KIF13A: variants seen among roughly 807,000 people sequenced by gnomAD.
KIF13A encodes the protein kinesin-like protein KIF13A.
A neutral mutation model predicts 212.2 loss-of-function variants in KIF13A; 79 were observed. The ratio of observed to expected loss-of-function variants is 0.37; its 90% CI spans 0.31 to 0.45. The LOEUF (loss-of-function observed/expected upper bound fraction) is 0.45. KIF13A is among the 20% of genes least tolerant of loss of function. The pLI, the probability that KIF13A is intolerant of heterozygous loss-of-function variation, is 1.00. For synonymous variants in KIF13A, 789 were observed against 808.6 expected, an observed-to-expected ratio of 0.98 and a Z score of 0.41; for missense variants, 1,901 against 2,209.0, an observed-to-expected ratio of 0.86 and a Z score of 2.79.
chr6:17,883,579 G>A lies in KIF13A; in HGVS notation c.160-10142C>T, dbSNP rs997267172. Among the ~76,000 whole-genome samples the A allele has an allele frequency of 4.9e-4, 74 of 152,246 alleles. 1 individual carries two copies. The highest frequency in any genetic ancestry group is 1.3e-4 in the Non-Finnish European group (9 of 68,024). On this transcript the variant is annotated intron_variant, in intron 3 of 38. Transcript: ENST00000259711. The surrounding 1 kb of genome is among the most constrained non-coding windows in gnomAD (Gnocchi z 4.8). The stretch of plus-strand genomic sequence containing the variant: ...AGTAACAGACTGGTGTCACCCTACA[G>A]GCATTATTTTTGTGTTTACTGGATT...
chr6:17,898,077 G>A lies in KIF13A; in HGVS notation c.159+91C>T. 2 of 1,196,616 alleles carry A rather than the reference G, an allele frequency of 1.7e-6. No homozygotes were observed. The highest frequency in any genetic ancestry group is 2.4e-6 in the Non-Finnish European group (2 of 826,954). 74.1% of individuals were successfully genotyped at this position (1,196,616 alleles called of 1,614,324 possible). On this transcript the variant is annotated intron_variant, in intron 3 of 38. Coordinates refer to ENST00000259711, the MANE Select transcript of KIF13A (RefSeq NM_022113.6). The surrounding 1 kb of genome is among the most constrained non-coding windows in gnomAD (Gnocchi z 5.2). ...TAGGATGCTGTTTTCAGTTCTCAAT[G>A]AGACAGATGTTCTACATGGGTTACA...
At chr6:17,976,612 G>A (rs533135468) in intron 2 of KIF13A, among the ~76,000 whole-genome samples, 226 of 152,248 alleles carry the variant, frequency 1.5e-3, no homozygotes, top group Non-Finnish European at 2.3e-3. Flanking sequence ...CTCTGGCCTC[G>A]GCTAGCCCAG....
chr6:17,910,827 AT>A (rs1335041169), intron 2 of KIF13A, among the ~76,000 whole-genome samples: 1 of 152,182 alleles, frequency 6.6e-6, no homozygotes, highest in Non-Finnish European at 1.5e-5. Context: ...CAGTGGTGTG[AT>A]CTCAGCTCAC....
In KIF13A at chr6:17,777,385, T is replaced by C; in HGVS notation, c.4093-31A>G. 1 of 1,450,270 alleles carries C rather than the reference T, an allele frequency of 6.9e-7. No homozygotes were observed. The highest frequency in any genetic ancestry group is 2.5e-5 in the East Asian group (1 of 39,570). The allele number at this position is 1,450,270 out of a possible 1,614,324, so 89.8% of individuals were successfully genotyped here. A position where few individuals can be genotyped will look rare whatever the true frequency, so the allele number is the denominator to read the frequency against. On this transcript the variant is annotated intron_variant, in intron 33 of 38. Transcript: ENST00000259711. The surrounding 1 kb of genome is among the most constrained non-coding windows in gnomAD (Gnocchi z 4.4). ...AACATAATAATTTGAAAATAACACTTTTTTTTTTTTTCCCCAGAGACAGAG... is the reference window on the plus strand; with the variant it reads ...AACATAATAATTTGAAAATAACACTCTTTTTTTTTTTCCCCAGAGACAGAG...
intron 2 of KIF13A, among the ~76,000 whole-genome samples, chr6:17,977,052 A>C (rs986097488): frequency 2.7e-5 from 4 of 150,298 alleles, no homozygotes; most frequent in Admixed American, 1.3e-4. Flanking sequence ...CAGTGAGCCG[A>C]GACTGCGCCA....
rs1043310249 is a variant in KIF13A, at chr6:17,785,343, C to T, written c.3488+172G>A. On this transcript the variant is annotated intron_variant, in intron 28 of 38. Transcript: ENST00000259711. This position sits in a 1 kb window ranked among gnomAD's most constrained non-coding sequence, Gnocchi z 5.8. ...GCTTCCTGTGGGAGAAAGTTGGCTT[C>T]GGTGGGGAAGGAAAAAAAGGGATGG... Among the ~76,000 whole-genome samples, 2 of 151,958 alleles carry T rather than the reference C, an allele frequency of 1.3e-5. No homozygotes were observed. Among genetic ancestry groups the T allele is most frequent in the African/African-American group, 4.8e-5 (2 of 41,378 alleles).
chr6:17,764,612 G>A lies in KIF13A; in HGVS notation c.4916C>T (p.Ser1639Leu), dbSNP rs1273285610. 6.8e-6 allele frequency: 11 copies of A among 1,613,862 alleles called. No homozygotes were observed. The highest frequency in any genetic ancestry group is 2.2e-5 in the South Asian group (2 of 91,078). ...DADSTEHSTPSLVHDFRPSSN... is the reference protein window; with the variant it reads ...DADSTEHSTPLLVHDFRPSSN... ...GGACGGCCTGAAATCATGCACAAGC[G>A]ATGGTGTGGAGTGCTCGGTGGAGTC... is the stretch of plus-strand genomic sequence containing the variant. The change falls in exon 39 of 39, where the codon TCG (serine) becomes TTG (leucine). Residue 1639 changes from serine to leucine, a missense_variant. Coordinates refer to ENST00000259711, the MANE Select transcript of KIF13A (RefSeq NM_022113.6). The surrounding 1 kb of genome is among the most constrained non-coding windows in gnomAD (Gnocchi z 5.1).
intron 2 of KIF13A, among the ~76,000 whole-genome samples, chr6:17,929,120 A>C (rs1003073764): frequency 1.3e-5 from 2 of 151,064 alleles, no homozygotes; most frequent in East Asian, 3.9e-4. Context: ...CAGGATTCTC[A>C]CAATTTGTTA....
intron 9 of KIF13A, among the ~76,000 whole-genome samples, chr6:17,841,494 T>C (rs1766503858): frequency 6.6e-6 from 1 of 152,204 alleles, no homozygotes; most frequent in Admixed American, 6.5e-5. Context: ...CAGTCTAATT[T>C]ACAGGGCAAA....
chr6:17,944,642 C>A (rs1487537793), intron 2 of KIF13A, among the ~76,000 whole-genome samples: 4 of 152,086 alleles, frequency 2.6e-5, no homozygotes, highest in Non-Finnish European at 5.9e-5. Flanking sequence ...GGGCATAAAA[C>A]AAAACAGAAA....
At chr6:17,847,298 A>G (rs1235091247) in intron 9 of KIF13A, among the ~76,000 whole-genome samples, 1 of 152,072 alleles carries the variant, frequency 6.6e-6, no homozygotes, top group Non-Finnish European at 1.5e-5. Flanking sequence ...TGGTTTCTGA[A>G]CTCATTTTGG....
chr6:17,939,145 C>T (rs1776738136), intron 2 of KIF13A, among the ~76,000 whole-genome samples: 2 of 152,170 alleles, frequency 1.3e-5, no homozygotes, highest in African/African-American at 2.4e-5. Context: ...TCCGCCCTTT[C>T]CTCTTTCCTC....
rs1370859016 is a variant in KIF13A, at chr6:17,895,041, G to C, written c.159+3127C>G. 1.3e-5 allele frequency among the ~76,000 whole-genome samples: 2 copies of C among 152,200 alleles called. No individual in the cohort carries two copies. The highest frequency in any genetic ancestry group is 2.9e-5 in the Non-Finnish European group (2 of 68,034). ...GGATTAAAAACAGCTGGATCTATCTGCTGCTAAACCCTTGCACTAAATTCT... is the reference window on the plus strand; with the variant it reads ...GGATTAAAAACAGCTGGATCTATCTCCTGCTAAACCCTTGCACTAAATTCT... On this transcript the variant is annotated intron_variant, in intron 3 of 38. Transcript: ENST00000259711. The surrounding 1 kb of genome is among the most constrained non-coding windows in gnomAD (Gnocchi z 4.4).
rs573807829 is a variant in KIF13A at position 17,883,408 on chromosome 6, T to G, written c.160-9971A>C. Among the ~76,000 whole-genome samples, 9 of 152,220 alleles carry G rather than the reference T, an allele frequency of 5.9e-5. No homozygotes were observed. In the South Asian group the frequency reaches 1.9e-3, roughly 32 times the overall value. On this transcript the variant is annotated intron_variant, in intron 3 of 38. Coordinates refer to ENST00000259711, the MANE Select transcript of KIF13A (RefSeq NM_022113.6). The surrounding 1 kb of genome is among the most constrained non-coding windows in gnomAD (Gnocchi z 4.8). ...ACTTCCTGGTGAACTAACTACCTCTTAATCAATCATGTAAATCTGTTTTCA... is the reference window on the plus strand; with the variant it reads ...ACTTCCTGGTGAACTAACTACCTCTGAATCAATCATGTAAATCTGTTTTCA...
rs111337018 is a variant in KIF13A at position 17,900,894 on chromosome 6, C to T, written c.147-2714G>A. 0.054 allele frequency among the ~76,000 whole-genome samples: 8,123 copies of T among 151,698 alleles called. 563 individuals carry two copies. The highest frequency in any genetic ancestry group is 0.16 in the African/African-American group (6,470 of 41,322). On this transcript the variant is annotated intron_variant, in intron 2 of 38. Coordinates refer to ENST00000259711, the MANE Select transcript of KIF13A (RefSeq NM_022113.6). The surrounding 1 kb of genome is among the most constrained non-coding windows in gnomAD (Gnocchi z 4.6). The stretch of plus-strand genomic sequence containing the variant: ...GGGATCGAGACCATCCTGGTTAACA[C>T]GGTGAAACCCCGCCTCTACTAAAAA...
chr6:17,987,250 C>A lies in KIF13A; in HGVS notation c.56-106G>T. On this transcript the variant is annotated intron_variant, in intron 1 of 38. Coordinates refer to ENST00000259711, the MANE Select transcript of KIF13A (RefSeq NM_022113.6). The surrounding 1 kb of genome is among the most constrained non-coding windows in gnomAD (Gnocchi z 7.7). Reference sequence around the variant, plus strand: ...GGCTCCGTCCCTGGAGGCGGCCGAGCCTGGAGACGGCGCCCCGGGCACCAC... The same window carrying A: ...GGCTCCGTCCCTGGAGGCGGCCGAGACTGGAGACGGCGCCCCGGGCACCAC... The A allele has an allele frequency of 1.0e-6, 1 of 962,870 alleles. No homozygotes were observed. The allele number at this position is 962,870 out of a possible 1,614,324, so 59.6% of individuals were successfully genotyped here.
intron 2 of KIF13A, among the ~76,000 whole-genome samples, chr6:17,944,311 G>A (rs1400150218): frequency 2.6e-5 from 4 of 152,156 alleles, no homozygotes; most frequent in African/African-American, 4.8e-5. Context: ...TGAAAACTCA[G>A]GACAGTGGAA....
chr6:17,772,208 G>T lies in KIF13A; in HGVS notation c.4325-149C>A. ...TGGCTAAGCATTAAAACAGATGTAT[G>T]CCCACCCTGTGCAACATAGGGACAC... On this transcript the variant is annotated intron_variant, in intron 36 of 38. Transcript: ENST00000259711. The surrounding 1 kb of genome is among the most constrained non-coding windows in gnomAD (Gnocchi z 4.8). 1.4e-6 allele frequency: 1 copy of T among 695,952 alleles called. No homozygotes were observed. Among genetic ancestry groups the T allele is most frequent in the Non-Finnish European group, 2.4e-6 (1 of 417,776 alleles). 43.1% of individuals were successfully genotyped at this position (695,952 alleles called of 1,614,324 possible). A position where few individuals can be genotyped will look rare whatever the true frequency, so the allele number is the denominator to read the frequency against.
In KIF13A at chr6:17,892,081, T is replaced by C. The variant is rs188696734; in HGVS notation, c.159+6087A>G. ...ATCACCTGCTAAGCATCCTATCAGATGGCTGCCATCACTTCCAACTCAGCC... is the reference window on the plus strand; with the variant it reads ...ATCACCTGCTAAGCATCCTATCAGACGGCTGCCATCACTTCCAACTCAGCC... On this transcript the variant is annotated intron_variant, in intron 3 of 38. Transcript: ENST00000259711. The surrounding 1 kb of genome is among the most constrained non-coding windows in gnomAD (Gnocchi z 4.7). 5.3e-4 allele frequency among the ~76,000 whole-genome samples: 81 copies of C among 152,316 alleles called. No individual in the cohort carries two copies. The East Asian group carries it at 0.015, about 28-fold the overall frequency.
Sources: allele counts gnomAD v4.1 joint callset (sites outside exome capture counted in the v4.1 genomes callset), GRCh38; gene constraint gnomAD v4.1.1; non-coding constraint Gnocchi (gnomAD v3.1); transcripts MANE v1.5; gene names NCBI Gene and HGNC (gene_info 2026-07-23, HGNC 2026-07-21).